Variants in SYT5 observed in about 807,000 individuals in gnomAD.
SYT5 encodes synaptotagmin-5.
In SYT5, 29 loss-of-function variants were observed where a neutral mutation model predicts 36.0. The observed-to-expected ratio is 0.81, with a 90% CI of 0.60 to 1.10. The LOEUF (loss-of-function observed/expected upper bound fraction) is 1.10. SYT5 is among the 50% of genes least tolerant of loss of function. The probability of loss-of-function intolerance (pLI) is 0.00; values close to 1 mark genes in which losing one functional copy is unlikely to be tolerated. For missense variants in SYT5, 512 were observed against 516.0 expected, an observed-to-expected ratio of 0.99 and a Z score of 0.08; for synonymous variants, 231 against 227.6, an observed-to-expected ratio of 1.02 and a Z score of -0.14.
In SYT5 at chr19:55,174,920, G is replaced by C. The variant is rs779130477; in HGVS notation, c.788C>G (p.Ala263Gly). ...TACGTCCATCTTCTTCAGGTTTTTAGCCTCCAGGACGATGACGGTGAGCTT... is the reference window on the plus strand; with the variant it reads ...TACGTCCATCTTCTTCAGGTTTTTACCCTCCAGGACGATGACGGTGAGCTT... ...AGKLTVIVLE[A>G]KNLKKMDVGG... The change falls in exon 7 of 9, where the codon GCT becomes GGT. Residue 263 changes from alanine (A) to glycine (G), a missense_variant. Ala to Gly is a moderately conservative substitution (Grantham distance 60). Coordinates refer to ENST00000354308, the MANE Select transcript of SYT5 (RefSeq NM_003180.3). 2 of 1,614,034 alleles carry C rather than the reference G, an allele frequency of 1.2e-6. No homozygotes were observed. The highest frequency in any genetic ancestry group is 1.7e-6 in the Non-Finnish European group (2 of 1,180,016).
rs766044437 is a variant in SYT5, at chr19:55,175,831, G to T, written c.418C>A (p.Leu140Ile). The T allele has an allele frequency of 6.2e-7, 1 of 1,614,222 alleles. No homozygotes were observed. The highest frequency in any genetic ancestry group is 1.7e-5 in the Admixed American group (1 of 60,024). ...LQAMGLAALD[L>I]GGSSDPYVRV... ...ACATAGGGGTCCGAGGAGCCACCAA[G>T]ATCCAAGGCTGCCAATCCCATTGCT... The change falls in exon 5 of 9, where the codon CTT becomes ATT. Residue 140 changes from leucine to isoleucine, a missense_variant. Leu to Ile is a conservative substitution (Grantham distance 5). Transcript: ENST00000354308. The surrounding 1 kb of genome is among the most constrained non-coding windows in gnomAD (Gnocchi z 4.5).
rs1308106147 is a variant in SYT5, at chr19:55,175,316, GC to G, written c.563del (p.Gly188AlafsTer27). On this transcript the variant is annotated frameshift_variant, in exon 6 of 9. Coordinates refer to ENST00000354308, the MANE Select transcript of SYT5 (RefSeq NM_003180.3). LOFTEE classifies it high-confidence loss of function. The surrounding 1 kb of genome is among the most constrained non-coding windows in gnomAD (Gnocchi z 4.5). ...AFKVPYVELGGRVLVMAVYDF... is the reference protein window; with the variant it reads ...AFKVPYVELGXRVLVMAVYDF... ...CGTACACCGCCATGACCAGCACCCT[GC>G]CCCCCAGCTCCACGTAGGGGACCTG... is the stretch of plus-strand genomic sequence containing the variant. 1.3e-6 allele frequency: 2 copies of G among 1,549,400 alleles called. No homozygotes were observed. Among genetic ancestry groups the G allele is most frequent in the Admixed American group, 4.1e-5 (2 of 49,198 alleles).
At position 55,179,302 on chromosome 19, in the gene SYT5, AG is replaced by A. The variant is rs1238914867; in HGVS notation, c.-45-217del. The stretch of plus-strand genomic sequence containing the variant: ...ATACCCTCTTCCTCCACGGCCCCAC[AG>A]GCATCCCGCTGACTTCTGCCTCGTC... On this transcript the variant is annotated intron_variant, in intron 1 of 8. Transcript: ENST00000354308. The surrounding 1 kb of genome is among the most constrained non-coding windows in gnomAD (Gnocchi z 4.5). 2.3e-6 allele frequency: 3 copies of A among 1,329,472 alleles called. No homozygotes were observed. The African/African-American group carries it at 4.6e-5, about 20-fold the overall frequency. 82.4% of individuals were successfully genotyped at this position (1,329,472 alleles called of 1,614,324 possible). A position where few individuals can be genotyped will look rare whatever the true frequency, so the allele number is the denominator to read the frequency against.
Position 55,173,777 on chromosome 19 carries a change from T to C in SYT5, c.961-93A>G. 1 of 1,253,684 alleles carries C rather than the reference T, an allele frequency of 8.0e-7. No homozygotes were observed. The highest frequency in any genetic ancestry group is 1.0e-6 in the Non-Finnish European group (1 of 984,790). The allele number at this position is 1,253,684 out of a possible 1,614,324, so 77.7% of individuals were successfully genotyped here. A position where few individuals can be genotyped will look rare whatever the true frequency, so the allele number is the denominator to read the frequency against. Reference sequence around the variant, plus strand: ...CCGTTTTCACGGCTGAGGGTACCTCTCGCTGCCACCCGAGGGCTCGGGGCC... The same window carrying C: ...CCGTTTTCACGGCTGAGGGTACCTCCCGCTGCCACCCGAGGGCTCGGGGCC... On this transcript the variant is annotated intron_variant, in intron 8 of 8. Coordinates refer to ENST00000354308, the MANE Select transcript of SYT5 (RefSeq NM_003180.3). The surrounding 1 kb of genome is among the most constrained non-coding windows in gnomAD (Gnocchi z 5.4).
chr19:55,174,481 G>T (rs746742203), intron 8 of SYT5, 36 bp downstream of exon 8: 2 of 1,609,284 alleles, frequency 1.2e-6, no homozygotes, highest in African/African-American at 2.7e-5. Context: ...ATTACTAAAG[G>T]TCTGGGCTCT....
At position 55,175,263 on chromosome 19, in the gene SYT5, G is replaced by C; in HGVS notation, c.617C>G (p.Ala206Gly). The C allele has an allele frequency of 6.2e-7, 1 of 1,605,132 alleles. No individual in the cohort carries two copies. The highest frequency in any genetic ancestry group is 8.5e-7 in the Non-Finnish European group (1 of 1,176,966). ...YDFDRFSRNDAIGEVRVPMSS... is the reference protein window; with the variant it reads ...YDFDRFSRNDGIGEVRVPMSS... The stretch of plus-strand genomic sequence containing the variant: ...CATAGGGACCCGCACCTCCCCGATG[G>C]CGTCATTGCGAGAGAAGCGGTCGAA... The change falls in exon 6 of 9, where the codon GCC becomes GGC. Residue 206 changes from alanine to glycine, a missense_variant. Physicochemically the swap from Ala to Gly is moderately conservative, Grantham distance 60. Transcript: ENST00000354308. The surrounding 1 kb of genome is among the most constrained non-coding windows in gnomAD (Gnocchi z 4.5).
rs1298602541 is a variant in SYT5 at position 55,178,510 on chromosome 19, C to T, written c.80-142G>A. 1.5e-5 allele frequency: 16 copies of T among 1,063,450 alleles called. No individual in the cohort carries two copies. The East Asian group carries it at 1.6e-4, about 10-fold the overall frequency. 65.9% of individuals were successfully genotyped at this position (1,063,450 alleles called of 1,614,324 possible). A position where few individuals can be genotyped will look rare whatever the true frequency, so the allele number is the denominator to read the frequency against. On this transcript the variant is annotated intron_variant, in intron 2 of 8. Transcript: ENST00000354308. ...TGCATTTCTTCCTGTGTTTTTCTTC[C>T]ACCTAATGTGGCCTATAGAGAGATT...
chr19:55,178,689 A>G (rs1854939956), intron 2 of SYT5, among the ~76,000 whole-genome samples: 1 of 150,664 alleles, frequency 6.6e-6, no homozygotes. Flanking sequence ...CTGTAAAAGA[A>G]GAGCTAGGTG....
Position 55,173,708 on chromosome 19 carries a change from G to C in SYT5, c.961-24C>G. The stretch of plus-strand genomic sequence containing the variant: ...TTCTGGGGTGGGCGCGGGAGGAAGA[G>C]GAGAGAGGAGCGTGAGGGGAGGAGG... On this transcript the variant is annotated intron_variant, in intron 8 of 8. Transcript: ENST00000354308. This position sits in a 1 kb window ranked among gnomAD's most constrained non-coding sequence, Gnocchi z 5.4. 7.4e-7 allele frequency: 1 copy of C among 1,355,760 alleles called. No individual in the cohort carries two copies. The highest frequency in any genetic ancestry group is 3.1e-5 in the East Asian group (1 of 32,130). The allele number at this position is 1,355,760 out of a possible 1,614,324, so 84.0% of individuals were successfully genotyped here. A position where few individuals can be genotyped will look rare whatever the true frequency, so the allele number is the denominator to read the frequency against.
chr19:55,173,773 C>T lies in SYT5; in HGVS notation c.961-89G>A. ...GTGTCCGTTTTCACGGCTGAGGGTA[C>T]CTCTCGCTGCCACCCGAGGGCTCGG... is the stretch of plus-strand genomic sequence containing the variant. On this transcript the variant is annotated intron_variant, in intron 8 of 8. Transcript: ENST00000354308. This position sits in a 1 kb window ranked among gnomAD's most constrained non-coding sequence, Gnocchi z 5.4. 1.6e-6 allele frequency: 2 copies of T among 1,264,092 alleles called. No homozygotes were observed. Among genetic ancestry groups the T allele is most frequent in the East Asian group, 3.2e-5 (1 of 31,650 alleles). The allele number at this position is 1,264,092 out of a possible 1,614,324, so 78.3% of individuals were successfully genotyped here.
rs754159036 is a variant in SYT5, at chr19:55,174,577, GTTC to G, written c.897_899del (p.Lys299del). 2 of 1,614,012 alleles carry G rather than the reference GTTC, an allele frequency of 1.2e-6. No homozygotes were observed. The highest frequency in any genetic ancestry group is 2.7e-5 in the African/African-American group (2 of 74,916). On this transcript the variant is annotated inframe_deletion, in exon 8 of 9. Transcript: ENST00000354308. ...CTTCGTTGTAATAGGGGTTCAGAGT[GTTC>G]TTCTTGATGGTGGTTTTCTTCTTCC...
Position 55,173,112 on chromosome 19 carries a change from T to G in SYT5, c.*372A>C. ...GGCCCAGGCCACCGGAGCTGCTGAA[T>G]ATTTATTTGGCCCCAGGAGCAGTGC... On this transcript the variant is annotated 3_prime_UTR_variant, in exon 9 of 9. Coordinates refer to ENST00000354308, the MANE Select transcript of SYT5 (RefSeq NM_003180.3). This position sits in a 1 kb window ranked among gnomAD's most constrained non-coding sequence, Gnocchi z 5.4. 28 of 189,002 alleles carry G rather than the reference T, an allele frequency of 1.5e-4. No individual in the cohort carries two copies. The highest frequency in any genetic ancestry group is 2.0e-3 in the Middle Eastern group (1 of 496). The allele number at this position is 189,002 out of a possible 1,614,324, so 11.7% of individuals were successfully genotyped here. A position where few individuals can be genotyped will look rare whatever the true frequency, so the allele number is the denominator to read the frequency against.
rs964118834 is a variant in SYT5, at chr19:55,173,197, A to AG, written c.*286dup. On this transcript the variant is annotated 3_prime_UTR_variant, in exon 9 of 9. Coordinates refer to ENST00000354308, the MANE Select transcript of SYT5 (RefSeq NM_003180.3). This position sits in a 1 kb window ranked among gnomAD's most constrained non-coding sequence, Gnocchi z 5.4. ...GACGAGGATGGCTGATTGTCAAAGC[A>AG]GGGGGCAGGACCCGGGGGCAGGAGA... 7 of 361,378 alleles carry AG rather than the reference A, an allele frequency of 1.9e-5. No individual in the cohort carries two copies. Among genetic ancestry groups the AG allele is most frequent in the Non-Finnish European group, 3.5e-5 (7 of 202,388 alleles). 22.4% of individuals were successfully genotyped at this position (361,378 alleles called of 1,614,324 possible).
At chr19:55,174,081 CG>C (rs2086038249) in intron 8 of SYT5, 2 of 205,510 alleles carry the variant, frequency 9.7e-6, no homozygotes, top group Non-Finnish European at 1.9e-5. Context: ...CTGAGGAGGG[CG>C]GGGCATCCTG....
In SYT5 at chr19:55,173,466, G is replaced by C; in HGVS notation, c.*18C>G. 7.4e-7 allele frequency: 1 copy of C among 1,347,788 alleles called. No individual in the cohort carries two copies. 83.5% of individuals were successfully genotyped at this position (1,347,788 alleles called of 1,614,324 possible). A position where few individuals can be genotyped will look rare whatever the true frequency, so the allele number is the denominator to read the frequency against. On this transcript the variant is annotated 3_prime_UTR_variant, in exon 9 of 9. Coordinates refer to ENST00000354308, the MANE Select transcript of SYT5 (RefSeq NM_003180.3). This position sits in a 1 kb window ranked among gnomAD's most constrained non-coding sequence, Gnocchi z 5.4. ...CAGGGGCTAGAGTCCAGGCTTGGCC[G>C]GGGGCTTGGGGTGGGAGTCAGGGCG...
rs2086064396 is a variant in SYT5, at chr19:55,175,393, G to C, written c.541-54C>G. 2 of 1,480,398 alleles carry C rather than the reference G, an allele frequency of 1.4e-6. No homozygotes were observed. Among genetic ancestry groups the C allele is most frequent in the Non-Finnish European group, 1.8e-6 (2 of 1,118,898 alleles). 91.7% of individuals were successfully genotyped at this position (1,480,398 alleles called of 1,614,324 possible). The stretch of plus-strand genomic sequence containing the variant: ...GAGCAGGAAGTCAGAGATAGGGTGA[G>C]GCACAGCACAACCAGAAGGAAGGCA... On this transcript the variant is annotated intron_variant, in intron 5 of 8. Transcript: ENST00000354308. This position sits in a 1 kb window ranked among gnomAD's most constrained non-coding sequence, Gnocchi z 4.5.
chr19:55,172,850 C>G lies in SYT5; in HGVS notation c.*634G>C, dbSNP rs189439498. 1.5e-4 allele frequency: 23 copies of G among 152,396 alleles called. No homozygotes were observed. Among genetic ancestry groups the G allele is most frequent in the African/African-American group, 5.1e-4 (21 of 41,576 alleles). 9.4% of individuals were successfully genotyped at this position (152,396 alleles called of 1,614,324 possible). A position where few individuals can be genotyped will look rare whatever the true frequency, so the allele number is the denominator to read the frequency against. ...CAAGGGAGTTCTCGCGGACTCCTCA[C>G]AGCCAGCGTGTGGCAGGAATTATTA... On this transcript the variant is annotated 3_prime_UTR_variant, in exon 9 of 9. Coordinates refer to ENST00000354308, the MANE Select transcript of SYT5 (RefSeq NM_003180.3).
intron 3 of SYT5, among the ~76,000 whole-genome samples, chr19:55,177,989 C>A (rs971421900): frequency 1.3e-5 from 2 of 152,200 alleles, no homozygotes; most frequent in South Asian, 4.1e-4. Flanking sequence ...ACTCTCCCAC[C>A]AGACTGGGAA....
At position 55,175,372 on chromosome 19, in the gene SYT5, A is replaced by G. The variant is rs748000260; in HGVS notation, c.541-33T>C. ...GCACAGAGAATCCGCAGTAGAGAGC[A>G]GGAAGTCAGAGATAGGGTGAGGCAC... On this transcript the variant is annotated intron_variant, in intron 5 of 8. Coordinates refer to ENST00000354308, the MANE Select transcript of SYT5 (RefSeq NM_003180.3). This position sits in a 1 kb window ranked among gnomAD's most constrained non-coding sequence, Gnocchi z 4.5. 1 of 1,502,670 alleles carries G rather than the reference A, an allele frequency of 6.7e-7. No individual in the cohort carries two copies. Among genetic ancestry groups the G allele is most frequent in the Admixed American group, 2.3e-5 (1 of 42,620 alleles). The allele number at this position is 1,502,670 out of a possible 1,614,324, so 93.1% of individuals were successfully genotyped here. A position where few individuals can be genotyped will look rare whatever the true frequency, so the allele number is the denominator to read the frequency against.
Sources: gnomAD v4.1 joint callset for allele counts (sites outside exome capture counted in the v4.1 genomes callset) on GRCh38, gnomAD v4.1.1 for gene constraint, Gnocchi (gnomAD v3.1) non-coding constraint, MANE v1.5 for transcripts, NCBI Gene and HGNC (gene_info 2026-07-23, HGNC 2026-07-21) for gene names.